RAB38: variants seen among roughly 807,000 people sequenced by gnomAD.
The protein encoded by RAB38 is ras-related protein Rab-38.
A neutral mutation model predicts 18.4 loss-of-function variants in RAB38; 15 were observed. The ratio of observed to expected loss-of-function variants is 0.82; its 90% CI spans 0.55 to 1.26. The LOEUF (loss-of-function observed/expected upper bound fraction) is 1.26. Among genes scored for constraint, RAB38 ranks in the 50% most tolerant of loss-of-function variants. The probability of loss-of-function intolerance (pLI) is 0.00; values close to 1 mark genes in which losing one functional copy is unlikely to be tolerated. For missense variants in RAB38, 294 were observed against 267.4 expected, an observed-to-expected ratio of 1.10 and a Z score of -0.69; for synonymous variants, 101 against 104.4, an observed-to-expected ratio of 0.97 and a Z score of 0.20.
chr11:87,847,858 T>C, the RAB38 span, among the ~76,000 whole-genome samples: 1 of 152,116 alleles, frequency 6.6e-6, no homozygotes, highest in Admixed American at 6.6e-5. Flanking sequence ...GGGCCAAACA[T>C]GTCTATAGAC....
chr11:87,917,226 G>A, the RAB38 span, among the ~76,000 whole-genome samples: 28 of 152,194 alleles, frequency 1.8e-4, no homozygotes, highest in East Asian at 2.5e-3. Context: ...TGCACCGTGC[G>A]TGGGGTATTG....
chr11:88,042,284 G>A, the RAB38 span, among the ~76,000 whole-genome samples: 10 of 152,206 alleles, frequency 6.6e-5, no homozygotes, highest in South Asian at 1.2e-3. Context: ...TTGCTAAATC[G>A]GGCAGCCGGT....
At chr11:87,831,091 G>T in the RAB38 span, among the ~76,000 whole-genome samples, 2 of 152,180 alleles carry the variant, frequency 1.3e-5, no homozygotes, top group South Asian at 4.1e-4. Context: ...ACAGGTGTGA[G>T]CTACCGTGCC....
the RAB38 span, among the ~76,000 whole-genome samples, chr11:87,911,796 T>A: frequency 1.3e-5 from 2 of 152,014 alleles, no homozygotes; most frequent in Admixed American, 6.6e-5. Flanking sequence ...CTGTGTTTCT[T>A]ATATTAAAGA....
At chr11:87,886,140 C>T in the RAB38 span, among the ~76,000 whole-genome samples, 2 of 152,070 alleles carry the variant, frequency 1.3e-5, no homozygotes, top group Middle Eastern at 3.4e-3. Context: ...AGCGTGGGCT[C>T]CCAGATCTAA....
the RAB38 span, among the ~76,000 whole-genome samples, chr11:88,039,369 T>C: frequency 1.3e-5 from 2 of 152,052 alleles, no homozygotes; most frequent in Admixed American, 6.6e-5. Context: ...TTTTTTATGA[T>C]AGAACAGCAA....
chr11:87,887,860 T>C, the RAB38 span, among the ~76,000 whole-genome samples: 1,097 of 152,046 alleles, frequency 7.2e-3, 14 homozygotes, highest in African/African-American at 0.025. Context: ...CAGCAAAATG[T>C]AATAACAATA....
the RAB38 span, among the ~76,000 whole-genome samples, chr11:88,099,325 A>T: frequency 6.6e-6 from 1 of 150,778 alleles, no homozygotes; most frequent in Admixed American, 6.6e-5. Flanking sequence ...TTTATGCCCT[A>T]GAGCTCAAGG....
At chr11:88,041,523 G>C in the RAB38 span, among the ~76,000 whole-genome samples, 1 of 152,142 alleles carries the variant, frequency 6.6e-6, no homozygotes, top group Non-Finnish European at 1.5e-5. Flanking sequence ...TGAATGTAAC[G>C]AGTAAACTTT....
chr11:88,154,189 G>A (rs1350304401), intron 1 of RAB38, among the ~76,000 whole-genome samples: 1 of 152,200 alleles, frequency 6.6e-6, no homozygotes, highest in Non-Finnish European at 1.5e-5. Context: ...GAAAAGACGT[G>A]AGGAACAGCT....
At chr11:88,088,703 C>A in the RAB38 span, among the ~76,000 whole-genome samples, 241 of 151,710 alleles carry the variant, frequency 1.6e-3, no homozygotes, top group Middle Eastern at 0.01. Flanking sequence ...TCCCTTTGGC[C>A]AATTAAACAT....
chr11:87,951,664 C>G, the RAB38 span, among the ~76,000 whole-genome samples: 1 of 152,198 alleles, frequency 6.6e-6, no homozygotes, highest in Non-Finnish European at 1.5e-5. Flanking sequence ...GAGGTCCACT[C>G]CAGACCCTGT....
the RAB38 span, among the ~76,000 whole-genome samples, chr11:87,891,693 G>C: frequency 2.0e-5 from 3 of 151,814 alleles, no homozygotes; most frequent in African/African-American, 2.4e-5. Context: ...CCAAGATTTG[G>C]AATATGTATT....
the RAB38 span, among the ~76,000 whole-genome samples, chr11:87,940,488 G>A: frequency 6.6e-6 from 1 of 152,042 alleles, no homozygotes; most frequent in South Asian, 2.1e-4. Context: ...AATAGGATAT[G>A]GAAATTGATA....
chr11:87,953,855 GTTT>G, the RAB38 span, among the ~76,000 whole-genome samples: 1 of 136,284 alleles, frequency 7.3e-6, no homozygotes, highest in Non-Finnish European at 1.6e-5. Flanking sequence ...GTGTTTTAGT[GTTT>G]TTTTTTTTTT....
the RAB38 span, among the ~76,000 whole-genome samples, chr11:87,808,358 A>C: frequency 1.3e-5 from 2 of 152,222 alleles, no homozygotes; most frequent in African/African-American, 4.8e-5. Flanking sequence ...TATATATACA[A>C]TGAAATACTA....
the RAB38 span, among the ~76,000 whole-genome samples, chr11:87,874,545 T>C: frequency 7.3e-5 from 11 of 151,294 alleles, no homozygotes; most frequent in Admixed American, 2.6e-4. Flanking sequence ...GTATACCTAA[T>C]GTAAATGATG....
the RAB38 span, among the ~76,000 whole-genome samples, chr11:87,903,232 A>T: frequency 6.6e-6 from 1 of 151,436 alleles, no homozygotes; most frequent in East Asian, 1.9e-4. Flanking sequence ...GCCTTTTATT[A>T]GTTTATGAGT....
the RAB38 span, among the ~76,000 whole-genome samples, chr11:87,913,368 T>C: frequency 6.6e-6 from 1 of 152,158 alleles, no homozygotes; most frequent in Non-Finnish European, 1.5e-5. Context: ...GTTTTCTTTC[T>C]GGTATTTTGA....
Sources: allele counts gnomAD v4.1 joint callset (sites outside exome capture counted in the v4.1 genomes callset), GRCh38; gene constraint gnomAD v4.1.1; transcripts MANE v1.5; gene names NCBI Gene and HGNC (gene_info 2026-07-23, HGNC 2026-07-21).